The following TMA16 variants were observed in gnomAD, a reference collection of about 807,000 sequenced individuals.
The protein encoded by TMA16 is translation machinery associated 16 homolog.
TMA16 carries 26 observed loss-of-function variants against 27.1 expected under a neutral mutation model. The ratio of observed to expected loss-of-function variants is 0.96; its 90% CI spans 0.70 to 1.33. The LOEUF (loss-of-function observed/expected upper bound fraction) is 1.33. Among genes scored for constraint, TMA16 ranks in the 40% most tolerant of loss-of-function variants. TMA16 has a pLI of 0.00. For synonymous variants in TMA16, 71 were observed against 81.9 expected (o/e 0.87, Z 0.72); for missense variants, 233 against 241.4 (o/e 0.97, Z 0.23).
chr4:163,500,075 A>G (rs751731770), intron 1 of TMA16, among the ~76,000 whole-genome samples: 6 of 152,138 alleles, frequency 3.9e-5, no homozygotes, highest in Non-Finnish European at 5.9e-5. Context: ...AGTAGTGACT[A>G]TTTTCTAAAT....
chr4:163,512,887 T>A (rs774164470), intron 3 of TMA16, 28 bp downstream of exon 3: 2 of 1,591,840 alleles, frequency 1.3e-6, no homozygotes, highest in Non-Finnish European at 1.7e-6. Flanking sequence ...TTTGAAACTC[T>A]GGCTAGAGTA....
intron 5 of TMA16, 33 bp from the exon 6 acceptor site, chr4:163,517,401 T>C (rs747306024): frequency 6.4e-7 from 1 of 1,574,466 alleles, no homozygotes; most frequent in East Asian, 2.2e-5. Flanking sequence ...TAGAAAACAT[T>C]GCCTCATGGA....
rs189333627 is a variant in TMA16, at chr4:163,519,882, T to C, written c.*368T>C. ...TAACCTGTTTCCTGAAAGATTCCTG[T>C]GGGTACTTTTTGAGCTGTGATAATA... is the stretch of plus-strand genomic sequence containing the variant. On this transcript the variant is annotated 3_prime_UTR_variant, in exon 7 of 7. Coordinates refer to ENST00000358572, the MANE Select transcript of TMA16 (RefSeq NM_018352.3). 1 of 532,922 alleles carries C rather than the reference T, an allele frequency of 1.9e-6. No individual in the cohort carries two copies. The highest frequency in any genetic ancestry group is 3.3e-6 in the Non-Finnish European group (1 of 301,180). 33.0% of individuals were successfully genotyped at this position (532,922 alleles called of 1,614,324 possible).
In TMA16 at chr4:163,499,705, A is replaced by G. The variant is rs183511921; in HGVS notation, c.3+4901A>G. On this transcript the variant is annotated intron_variant, in intron 1 of 6. Coordinates refer to ENST00000358572, the MANE Select transcript of TMA16 (RefSeq NM_018352.3). Reference sequence around the variant, plus strand: ...ACAATGTAAACGCTGTATAGTGATTATATTGTTTTTTAAATTTTTATTATT... The same window carrying G: ...ACAATGTAAACGCTGTATAGTGATTGTATTGTTTTTTAAATTTTTATTATT... 1.3e-3 allele frequency among the ~76,000 whole-genome samples: 193 copies of G among 151,910 alleles called. 1 individual carries two copies. Among genetic ancestry groups the G allele is most frequent in the Non-Finnish European group, 2.0e-3 (139 of 67,936 alleles).
intron 2 of TMA16, among the ~76,000 whole-genome samples, chr4:163,511,675 AGTAG>A (rs1353135453): frequency 6.6e-6 from 1 of 150,664 alleles, no homozygotes; most frequent in African/African-American, 2.4e-5. Flanking sequence ...AAAAAAAAAA[AGTAG>A]CCAGGCATGG....
intron 2 of TMA16, among the ~76,000 whole-genome samples, chr4:163,508,154 C>T (rs1737743584): frequency 6.6e-6 from 1 of 151,958 alleles, no homozygotes; most frequent in Non-Finnish European, 1.5e-5. Context: ...ATGATTTTTG[C>T]TGTATCTTTT....
intron 4 of TMA16, 141 bp downstream of exon 4, chr4:163,514,299 A>G (rs1737843891): frequency 4.4e-6 from 3 of 674,746 alleles, no homozygotes; most frequent in Non-Finnish European, 7.0e-6. Context: ...TGGCTTAGTC[A>G]CTATAGGAGG....
chr4:163,495,005 G>A (rs1185588313), intron 1 of TMA16, among the ~76,000 whole-genome samples: 1 of 152,222 alleles, frequency 6.6e-6, no homozygotes, highest in African/African-American at 2.4e-5. Context: ...TTAGAGTTCC[G>A]CGTCCGAGTG....
At chr4:163,504,817 T>C (rs1235146244) in intron 1 of TMA16, among the ~76,000 whole-genome samples, 1 of 152,148 alleles carries the variant, frequency 6.6e-6, no homozygotes, top group Non-Finnish European at 1.5e-5. Flanking sequence ...GCCTCTAAGC[T>C]TGCTGTTGGT....
rs765246252 is a variant in TMA16, at chr4:163,517,439, C to T, written c.394C>T (p.Pro132Ser). ...QQFEGYGLEI[P>S]DILNASNLKT... ...TAAATTACTTTCTTTTCCAGAGATTCCAGACATTCTAAATGCAAGTAATCT... is the reference window on the plus strand; with the variant it reads ...TAAATTACTTTCTTTTCCAGAGATTTCAGACATTCTAAATGCAAGTAATCT... Residue 132 changes from proline to serine, a missense_variant, in exon 6 of 7, where the codon CCA (proline) becomes TCA (serine). Physicochemically the swap from Pro to Ser is moderately conservative, Grantham distance 74 (BLOSUM62 -1). Coordinates refer to ENST00000358572, the MANE Select transcript of TMA16 (RefSeq NM_018352.3). 6.2e-7 allele frequency: 1 copy of T among 1,612,820 alleles called. No homozygotes were observed. Among genetic ancestry groups the T allele is most frequent in the South Asian group, 1.1e-5 (1 of 90,806 alleles).
chr4:163,497,686 C>A (rs1254402283), intron 1 of TMA16, among the ~76,000 whole-genome samples: 1 of 152,180 alleles, frequency 6.6e-6, no homozygotes, highest in East Asian at 1.9e-4. Context: ...CTTCCTCTTA[C>A]ATGGACCTTT....
chr4:163,517,877 C>T (rs1477053655), intron 6 of TMA16, among the ~76,000 whole-genome samples: 2 of 152,062 alleles, frequency 1.3e-5, no homozygotes, highest in African/African-American at 4.8e-5. Context: ...CTCCAGGGAA[C>T]AGGTTAAGTC....
intron 2 of TMA16, among the ~76,000 whole-genome samples, chr4:163,511,275 G>T (rs76656771): frequency 0.11 from 16,762 of 151,690 alleles, 1,001 homozygotes; most frequent in Middle Eastern, 0.13. Context: ...TAGGTGTATA[G>T]TGGTATTTCA....
intron 5 of TMA16, 135 bp downstream of exon 5, chr4:163,515,596 G>T: frequency 8.4e-7 from 1 of 1,186,322 alleles, no homozygotes; most frequent in Non-Finnish European, 1.2e-6. Context: ...CTTTGTGAGG[G>T]TTTAGAAAAA....
At chr4:163,508,825 C>A (rs1398083672) in intron 2 of TMA16, among the ~76,000 whole-genome samples, 1 of 152,134 alleles carries the variant, frequency 6.6e-6, no homozygotes, top group African/African-American at 2.4e-5. Context: ...CAGGTATATT[C>A]AGCATGTTGT....
intron 3 of TMA16, among the ~76,000 whole-genome samples, chr4:163,513,661 T>C (rs1246465227): frequency 6.6e-6 from 1 of 152,226 alleles, no homozygotes; most frequent in Non-Finnish European, 1.5e-5. Context: ...CTCATGGGAT[T>C]ATAAAGCTAT....
intron 1 of TMA16, among the ~76,000 whole-genome samples, chr4:163,495,773 T>C (rs947398473): frequency 4.6e-5 from 7 of 152,338 alleles, no homozygotes; most frequent in African/African-American, 1.7e-4. Context: ...TCTTACAGTC[T>C]GGTTCTTTCG....
At chr4:163,507,720 C>T (rs1390543498) in intron 2 of TMA16, among the ~76,000 whole-genome samples, 5 of 151,974 alleles carry the variant, frequency 3.3e-5, no homozygotes, top group Non-Finnish European at 7.4e-5. Context: ...CAGTGGCCCT[C>T]TACCATTTAG....
intron 2 of TMA16, among the ~76,000 whole-genome samples, chr4:163,511,291 G>A (rs1216655471): frequency 6.6e-6 from 1 of 151,594 alleles, no homozygotes; most frequent in African/African-American, 2.4e-5. Flanking sequence ...TTTCAGTGTG[G>A]TTTTAATTTT....
Sources: gnomAD v4.1 joint callset for allele counts (sites outside exome capture counted in the v4.1 genomes callset) on GRCh38, gnomAD v4.1.1 for gene constraint, MANE v1.5 for transcripts, NCBI Gene and HGNC (gene_info 2026-07-23, HGNC 2026-07-21) for gene names.